The following EYA3 variants were observed in gnomAD, a reference collection of about 807,000 sequenced individuals.
The protein encoded by EYA3 is EYA transcriptional coactivator and phosphatase 3.
Under a neutral mutation model 80.0 loss-of-function variants are expected in EYA3, and 39 were observed. The ratio of observed to expected loss-of-function variants is 0.49; its 90% confidence interval spans 0.38 to 0.64. EYA3 has a LOEUF of 0.64. Ranked by LOEUF, EYA3 falls within the 30% of genes least tolerant of loss-of-function variation. The probability of loss-of-function intolerance (pLI) is 0.00; values close to 1 mark genes in which losing one functional copy is unlikely to be tolerated. For missense variants in EYA3, 523 were observed against 676.1 expected, an observed-to-expected ratio of 0.77 and a Z score of 2.51; for synonymous variants, 206 against 232.8, an observed-to-expected ratio of 0.88 and a Z score of 1.05.
chr1:28,087,576 T>C (rs111460868), intron 1 of EYA3, among the ~76,000 whole-genome samples: 6,069 of 152,332 alleles, frequency 0.04, 139 homozygotes, highest in Middle Eastern at 0.054. Context: ...TTCATAAATC[T>C]GGGGCTAATG....
At chr1:28,087,013 A>G (rs2148970171) in intron 1 of EYA3, among the ~76,000 whole-genome samples, 1 of 152,336 alleles carries the variant, frequency 6.6e-6, no homozygotes, top group Middle Eastern at 3.4e-3. Context: ...TTCTATAGCT[A>G]ATTAGCCAAA....
intron 6 of EYA3, among the ~76,000 whole-genome samples, chr1:28,032,826 ACT>A (rs998312691): frequency 6.6e-6 from 1 of 152,078 alleles, no homozygotes; most frequent in Non-Finnish European, 1.5e-5. Context: ...TTAATTTCAA[ACT>A]CAACTCTGAG....
At chr1:28,026,538 A>G (rs1487319584) in intron 7 of EYA3, among the ~76,000 whole-genome samples, 2 of 152,168 alleles carry the variant, frequency 1.3e-5, no homozygotes, top group African/African-American at 4.8e-5. Flanking sequence ...GGATCACTTT[A>G]GCCCGGAAGG....
Position 28,044,281 on chromosome 1 carries a change from A to G in EYA3, c.78-1631T>C, listed in dbSNP as rs141646788. On this transcript the variant is annotated intron_variant, in intron 3 of 17. Transcript: ENST00000373871. Reference sequence around the variant, plus strand: ...CTCAAGTTCATATTCTATTCTGCCAATAACTAGCCCTATGACCTTGGACAA... The same window carrying G: ...CTCAAGTTCATATTCTATTCTGCCAGTAACTAGCCCTATGACCTTGGACAA... Among the ~76,000 whole-genome samples, 1,058 of 152,306 alleles carry G rather than the reference A, an allele frequency of 6.9e-3. 5 individuals are homozygous for G. The highest frequency in any genetic ancestry group is 0.011 in the Non-Finnish European group (725 of 68,020).
At chr1:28,063,998 C>T (rs1644737752) in intron 1 of EYA3, among the ~76,000 whole-genome samples, 1 of 151,756 alleles carries the variant, frequency 6.6e-6, no homozygotes, top group Non-Finnish European at 1.5e-5. Flanking sequence ...AAGATTTTAG[C>T]AGCAAATTCA....
chr1:28,007,826 C>T (rs1472730090), intron 10 of EYA3, among the ~76,000 whole-genome samples: 1 of 152,118 alleles, frequency 6.6e-6, no homozygotes, highest in African/African-American at 2.4e-5. Flanking sequence ...CCCAAACCAA[C>T]CTACAAATTC....
intron 17 of EYA3, chr1:27,977,450 G>A (rs1449943642): frequency 2.7e-6 from 4 of 1,464,530 alleles, no homozygotes; most frequent in Non-Finnish European, 3.7e-6. Flanking sequence ...TTTAGCAGAT[G>A]AGGATACTCA....
In EYA3 at chr1:27,974,462, G is replaced by A. The variant is rs1478931634; in HGVS notation, c.*4C>T. 1 of 1,611,754 alleles carries A rather than the reference G, an allele frequency of 6.2e-7. No individual in the cohort carries two copies. Among genetic ancestry groups the A allele is most frequent in the African/African-American group, 1.3e-5 (1 of 74,866 alleles). ...CTCAAGGGGAAGGCTCCTCATTCCAGTTCTTAGAGAAAATCAAGCTCTAAA... is the reference window on the plus strand; with the variant it reads ...CTCAAGGGGAAGGCTCCTCATTCCAATTCTTAGAGAAAATCAAGCTCTAAA... On this transcript the variant is annotated 3_prime_UTR_variant, in exon 18 of 18. Transcript: ENST00000373871.
chr1:28,067,014 T>C (rs761279214), intron 1 of EYA3, among the ~76,000 whole-genome samples: 4 of 152,054 alleles, frequency 2.6e-5, no homozygotes, highest in African/African-American at 4.8e-5. Flanking sequence ...CCAAAAAAAA[T>C]CTAAACAATA....
intron 5 of EYA3, among the ~76,000 whole-genome samples, chr1:28,037,635 T>C (rs574360074): frequency 7.2e-5 from 11 of 152,314 alleles, no homozygotes; most frequent in Admixed American, 6.5e-4. Flanking sequence ...TCTCAGAGAA[T>C]AGGTTCAGTT....
chr1:28,006,238 A>G (rs1233606739), intron 10 of EYA3, among the ~76,000 whole-genome samples: 2 of 152,230 alleles, frequency 1.3e-5, no homozygotes, highest in Non-Finnish European at 2.9e-5. Context: ...AAAATTATGC[A>G]AAGTAATGCA....
At position 28,058,056 on chromosome 1, in the gene EYA3, G is replaced by C. The variant is rs1174180395; in HGVS notation, c.-30C>G. The C allele has an allele frequency of 6.5e-7, 1 of 1,549,832 alleles. No individual in the cohort carries two copies. Among genetic ancestry groups the C allele is most frequent in the African/African-American group, 1.4e-5 (1 of 73,378 alleles). On this transcript the variant is annotated 5_prime_UTR_variant, in exon 2 of 18. Transcript: ENST00000373871. The stretch of plus-strand genomic sequence containing the variant: ...ACCAATATTTCTTTATTATACTTAT[G>C]TGACTGGATTGCAAGTCTCTCTCAG...
chr1:28,085,712 A>T (rs1645627061), intron 1 of EYA3, among the ~76,000 whole-genome samples: 1 of 151,952 alleles, frequency 6.6e-6, no homozygotes, highest in Non-Finnish European at 1.5e-5. Context: ...ATCAACGGTA[A>T]TTTTTTTTCC....
chr1:28,019,738 T>C (rs1490328416), intron 7 of EYA3, among the ~76,000 whole-genome samples: 1 of 152,166 alleles, frequency 6.6e-6, no homozygotes, highest in East Asian at 1.9e-4. Context: ...AGTATCACTC[T>C]TGTTGCCCAG....
intron 13 of EYA3, 142 bp from the exon 14 acceptor site, chr1:27,993,702 G>T: frequency 1.7e-6 from 1 of 598,830 alleles, no homozygotes; most frequent in Non-Finnish European, 2.7e-6. Context: ...GTATGTCAGA[G>T]TCTATCTTTC....
At chr1:28,031,071 T>C (rs920000651) in intron 6 of EYA3, among the ~76,000 whole-genome samples, 10 of 152,164 alleles carry the variant, frequency 6.6e-5, no homozygotes, top group African/African-American at 2.4e-4. Context: ...GTTTTGATAG[T>C]CTCCCTCTTA....
chr1:27,976,564 C>T (rs965521618), intron 17 of EYA3, among the ~76,000 whole-genome samples: 8 of 152,174 alleles, frequency 5.3e-5, no homozygotes, highest in Non-Finnish European at 7.4e-5. Flanking sequence ...GTTGATCCCA[C>T]GGTGGAATAG....
chr1:28,038,971 G>A (rs1557602731), intron 4 of EYA3, 66 bp from the exon 5 acceptor site: 6 of 984,644 alleles, frequency 6.1e-6, no homozygotes, highest in Non-Finnish European at 9.6e-6. Flanking sequence ...TGGGAAAACT[G>A]CACATCTCAC....
intron 5 of EYA3, among the ~76,000 whole-genome samples, chr1:28,038,298 C>T (rs919902960): frequency 1.8e-4 from 27 of 151,838 alleles, no homozygotes; most frequent in Admixed American, 7.2e-4. Context: ...ATTAGCTGGG[C>T]GTGGTGGCAT....
Sources: gnomAD v4.1 joint callset for allele counts (sites outside exome capture counted in the v4.1 genomes callset) on GRCh38, gnomAD v4.1.1 for gene constraint, MANE v1.5 for transcripts, NCBI Gene and HGNC (gene_info 2026-07-23, HGNC 2026-07-21) for gene names.